Variants in BPIFA1 observed in about 807,000 individuals in gnomAD.
BPIFA1 encodes the protein BPI fold-containing family A member 1.
A neutral mutation model predicts 25.1 loss-of-function variants in BPIFA1; 24 were observed. The ratio of observed to expected loss-of-function variants is 0.96; its 90% CI spans 0.69 to 1.35. BPIFA1 has a LOEUF of 1.35. Among genes scored for constraint, BPIFA1 ranks in the 40% most tolerant of loss-of-function variants. The pLI is 0.00. For missense variants in BPIFA1, 344 were observed against 303.7 expected, an observed-to-expected ratio of 1.13 and a Z score of -0.99; for synonymous variants, 139 against 131.8, an observed-to-expected ratio of 1.05 and a Z score of -0.37.
chr20:33,242,673 C>T, intron 8 of BPIFA1, 112 bp downstream of exon 8: 3 of 767,524 alleles, frequency 3.9e-6, no homozygotes. Flanking sequence ...CAAACATCTA[C>T]AGAGGTACAC....
intron 6 of BPIFA1, 27 bp downstream of exon 6, chr20:33,241,496 G>T: frequency 6.3e-7 from 1 of 1,583,796 alleles, no homozygotes; most frequent in Non-Finnish European, 8.7e-7. Context: ...GGGATCCCCT[G>T]ATCCTCAGGT....
Position 33,237,792 on chromosome 20 carries a change from C to G in BPIFA1, c.81C>G (p.Pro27=). 6.2e-7 allele frequency: 1 copy of G among 1,602,024 alleles called. No individual in the cohort carries two copies. Among genetic ancestry groups the G allele is most frequent in the Non-Finnish European group, 8.5e-7 (1 of 1,173,884 alleles). Residue 27 remains proline, a synonymous_variant, in exon 2 of 9, where the codon CCC becomes CCG. Coordinates refer to ENST00000354297, the MANE Select transcript of BPIFA1 (RefSeq NM_130852.3). ...TMAQFGGLPV[P]LDQTLPLNVN... ...CCCAGTTTGGAGGCCTGCCCGTGCC[C>G]CTGGACCAGACCCTGCCCTTGAATG...
Position 33,237,704 on chromosome 20 carries a change from G to A in BPIFA1, c.-8G>A. 6.9e-7 allele frequency: 1 copy of A among 1,458,976 alleles called. No individual in the cohort carries two copies. Among genetic ancestry groups the A allele is most frequent in the Non-Finnish European group, 9.1e-7 (1 of 1,102,312 alleles). 90.4% of individuals were successfully genotyped at this position (1,458,976 alleles called of 1,614,324 possible). On this transcript the variant is annotated 5_prime_UTR_variant, in exon 2 of 9. Coordinates refer to ENST00000354297, the MANE Select transcript of BPIFA1 (RefSeq NM_130852.3). ...TTGTCATTCTGGCCACAGATACTAA[G>A]AGCAAAGATGTTTCAAACTGGGGGC...
At chr20:33,241,286 GA>G in intron 5 of BPIFA1, 98 bp from the exon 6 acceptor site, 1 of 1,131,906 alleles carries the variant, frequency 8.8e-7, no homozygotes. Flanking sequence ...CGGCTTTAGT[GA>G]CTGAGTGTTG....
rs1010473724 is a variant in BPIFA1, at chr20:33,237,936, G to A, written c.160+65G>A. The stretch of plus-strand genomic sequence containing the variant: ...TGTGTGTGTGTGTGTGTGTGTGTGT[G>A]TGTGTGTGTGTGTGTCCAACCCTGC... On this transcript the variant is annotated intron_variant, in intron 2 of 8. Coordinates refer to ENST00000354297, the MANE Select transcript of BPIFA1 (RefSeq NM_130852.3). 1.9e-4 allele frequency: 263 copies of A among 1,391,490 alleles called. 1 individual carries two copies. The highest frequency in any genetic ancestry group is 2.3e-4 in the Non-Finnish European group (239 of 1,032,710). 86.2% of individuals were successfully genotyped at this position (1,391,490 alleles called of 1,614,324 possible). A position where few individuals can be genotyped will look rare whatever the true frequency, so the allele number is the denominator to read the frequency against.
chr20:33,242,967 A>G (rs10875488), intron 8 of BPIFA1, 140 bp from the exon 9 acceptor site: 35,159 of 184,872 alleles, frequency 0.19, 3,987 homozygotes, highest in Non-Finnish European at 0.25. Context: ...CACTCACTCA[A>G]ACACATGCTC....
At chr20:33,240,428 G>A in intron 5 of BPIFA1, 43 bp downstream of exon 5, 1 of 1,605,220 alleles carries the variant, frequency 6.2e-7, no homozygotes, top group South Asian at 1.1e-5. Context: ...AGATGACAGG[G>A]TGTGATGCCG....
Position 33,239,804 on chromosome 20 carries a change from A to T in BPIFA1, c.322A>T (p.Ile108Leu). 1 of 1,613,846 alleles carries T rather than the reference A, an allele frequency of 6.2e-7. No homozygotes were observed. The highest frequency in any genetic ancestry group is 8.5e-7 in the Non-Finnish European group (1 of 1,179,700). ...VIPGLNNIID[I>L]KVTDPQLLEL... is the part of the protein sequence containing the mutation. Reference sequence around the variant, plus strand: ...CCTCCAATATTACTCCCTGGACAGCATAAAGGTCACTGACCCCCAGCTGCT... The same window carrying T: ...CCTCCAATATTACTCCCTGGACAGCTTAAAGGTCACTGACCCCCAGCTGCT... Residue 108 changes from isoleucine to leucine, a missense_variant and splice_region_variant, in exon 4 of 9, where the codon ATA becomes TTA. Transcript: ENST00000354297.
Position 33,240,378 on chromosome 20 carries a change from C to T in BPIFA1, c.574C>T (p.Leu192Phe), listed in dbSNP as rs1441814608. 3 of 1,613,970 alleles carry T rather than the reference C, an allele frequency of 1.9e-6. No homozygotes were observed. The South Asian group carries it at 3.3e-5, about 18-fold the overall frequency. The change falls in exon 5 of 9, where the codon CTT becomes TTT. Residue 192 changes from leucine (L) to phenylalanine (F), a missense_variant. Coordinates refer to ENST00000354297, the MANE Select transcript of BPIFA1 (RefSeq NM_130852.3). ...CCCTGGAAGCCTGCAAATTTCTCTG[C>T]TTGATGGGTGAGGCCAGAGGAGCAG... ...HSPGSLQISLLDGLGPLPIQG... is the reference protein window; with the variant it reads ...HSPGSLQISLFDGLGPLPIQG...
chr20:33,237,936 GTGTGTGTGTGTGTGTC>G, intron 2 of BPIFA1, 65 bp downstream of exon 2: 1 of 1,391,584 alleles, frequency 7.2e-7, no homozygotes, highest in Non-Finnish European at 9.7e-7. Flanking sequence ...GTGTGTGTGT[GTGTGTGTGTGTGTGTC>G]CAACCCTGCA....
chr20:33,236,359 T>C (rs1417253758), intron 1 of BPIFA1, among the ~76,000 whole-genome samples: 5 of 152,230 alleles, frequency 3.3e-5, no homozygotes, highest in Non-Finnish European at 7.3e-5. Flanking sequence ...CCCAATTTTA[T>C]ACATTTTGAT....
At chr20:33,239,190 GATA>G (rs1568630798) in intron 3 of BPIFA1, among the ~76,000 whole-genome samples, 14 of 152,132 alleles carry the variant, frequency 9.2e-5, no homozygotes, top group African/African-American at 3.4e-4. Flanking sequence ...TGGTTGGAAA[GATA>G]GGACAATGGG....
At chr20:33,238,343 G>A (rs1412807578) in intron 3 of BPIFA1, 129 bp downstream of exon 3, 6 of 1,116,652 alleles carry the variant, frequency 5.4e-6, no homozygotes, top group African/African-American at 4.7e-5. Flanking sequence ...ATGGAGCCAG[G>A]ACTCAGTTCT....
rs561771842 is a variant in BPIFA1 at position 33,238,653 on chromosome 20, C to T, written c.320+439C>T. On this transcript the variant is annotated intron_variant, in intron 3 of 8. Transcript: ENST00000354297. ...TCTGCACCTGTGAAATCCCTTAGAA[C>T]ACAGACGGCCTTTGATGTTAGCGAG... Among the ~76,000 whole-genome samples the T allele has an allele frequency of 6.6e-5, 10 of 152,338 alleles. No homozygotes were observed. In the Middle Eastern group the frequency reaches 0.014, roughly 207 times the overall value.
At chr20:33,238,241 A>G in intron 3 of BPIFA1, 27 bp downstream of exon 3, 2 of 1,594,602 alleles carry the variant, frequency 1.3e-6, no homozygotes, top group South Asian at 1.1e-5. Flanking sequence ...TAGAGCTTTG[A>G]TCTCCACCAG....
rs1052777671 is a variant in BPIFA1 at position 33,241,470 on chromosome 20, G to GT, written c.666+2dup. The GT allele has an allele frequency of 1.2e-6, 2 of 1,610,528 alleles. No individual in the cohort carries two copies. ...CCTGCCTGAGTTGGTTCAGGGCAACGTAAGTAGGCAAGGTGGGGATCCCCT... is the reference window on the plus strand; with the variant it reads ...CCTGCCTGAGTTGGTTCAGGGCAACGTTAAGTAGGCAAGGTGGGGATCCCCT... On this transcript the variant is annotated splice_donor_variant, in intron 6 of 8. Transcript: ENST00000354297. LOFTEE classifies it high-confidence loss of function.
chr20:33,242,690 A>G, intron 8 of BPIFA1, 129 bp downstream of exon 8: 1 of 678,568 alleles, frequency 1.5e-6, no homozygotes, highest in South Asian at 1.8e-5. Flanking sequence ...ACACACAGGG[A>G]TGCACAGAGA....
At chr20:33,241,988 A>T (rs1978998049) in intron 6 of BPIFA1, 68 bp from the exon 7 acceptor site, 1 of 1,402,526 alleles carries the variant, frequency 7.1e-7, no homozygotes, top group African/African-American at 1.4e-5. Context: ...TCCCCAGAGA[A>T]CCCCCACTAG....
Position 33,240,247 on chromosome 20 carries a change from C to A in BPIFA1, c.443C>A (p.Ala148Glu), listed in dbSNP as rs1487154281. 1 of 1,613,956 alleles carries A rather than the reference C, an allele frequency of 6.2e-7. No homozygotes were observed. Among genetic ancestry groups the A allele is most frequent in the African/African-American group, 1.3e-5 (1 of 74,928 alleles). Residue 148 changes from alanine to glutamate, a missense_variant, in exon 5 of 9, where the codon GCA becomes GAA. Ala to Glu is a moderately radical substitution (Grantham distance 107, BLOSUM62 -1). Transcript: ENST00000354297. ...KLQVNTPLVG[A>E]SLLRLAVKLD... ...CTCCTTTGCAGGCCCCTGGTCGGTG[C>A]AAGTCTGTTGAGGCTGGCTGTGAAG...
Sources: allele counts gnomAD v4.1 joint callset (sites outside exome capture counted in the v4.1 genomes callset), GRCh38; gene constraint gnomAD v4.1.1; transcripts MANE v1.5; gene names NCBI Gene and HGNC (gene_info 2026-07-23, HGNC 2026-07-21).